MIGA1: variants seen among roughly 807,000 people sequenced by gnomAD.
The protein encoded by MIGA1 is mitoguardin 1.
In MIGA1, 58 loss-of-function variants were observed where a neutral mutation model predicts 82.0. The ratio of observed to expected loss-of-function variants is 0.71; its 90% confidence interval spans 0.57 to 0.88. The LOEUF (loss-of-function observed/expected upper bound fraction) is 0.88. Among genes scored for constraint, MIGA1 ranks in the 40% least tolerant of loss-of-function variants. The pLI is 0.00. For synonymous variants in MIGA1, 249 were observed against 253.6 expected, an observed-to-expected ratio of 0.98 and a Z score of 0.17; for missense variants, 751 against 749.1, an observed-to-expected ratio of 1.00 and a Z score of -0.03.
chr1:77,784,624 C>T (rs1454793365), intron 2 of MIGA1, among the ~76,000 whole-genome samples: 1 of 152,234 alleles, frequency 6.6e-6, no homozygotes, highest in Non-Finnish European at 1.5e-5. Context: ...ACATAGTGCA[C>T]AGTTTTTCCA....
rs748357999 is a variant in MIGA1 at position 77,803,300 on chromosome 1, T to G, written c.404T>G (p.Leu135Trp). ...AGTTGTTCCAGTAGCAGACAGAATT[T>G]GACATTATCTTTAAGTTCTACCAAA... The change falls in exon 4 of 16, where the codon TTG becomes TGG. Residue 135 changes from leucine (L) to tryptophan (W), a missense_variant. Physicochemically the swap from Leu to Trp is moderately conservative, Grantham distance 61 (BLOSUM62 -2). This residue lies in a region of MIGA1 where 482 missense variants were observed against 439.4 expected (regional missense o/e 1.10). Transcript: ENST00000370791. The G allele has an allele frequency of 1.9e-6, 3 of 1,542,510 alleles. No individual in the cohort carries two copies. In the East Asian group the frequency reaches 7.2e-5, roughly 37 times the overall value.
chr1:77,795,408 C>T (rs1682612420), intron 2 of MIGA1, among the ~76,000 whole-genome samples: 1 of 151,590 alleles, frequency 6.6e-6, no homozygotes, highest in Admixed American at 6.6e-5. Context: ...AGTGCAGTGG[C>T]ACAATCATGA....
intron 14 of MIGA1, chr1:77,868,396 T>G (rs1685757116): frequency 6.6e-6 from 1 of 152,164 alleles, no homozygotes; most frequent in African/African-American, 2.4e-5. Flanking sequence ...CCGGCTAATT[T>G]GTATATTTTT....
Position 77,866,360 on chromosome 1 carries a change from C to G in MIGA1, c.1532C>G (p.Ser511Trp), listed in dbSNP as rs1438480577. 6.2e-6 allele frequency: 10 copies of G among 1,613,776 alleles called. No individual in the cohort carries two copies. Among genetic ancestry groups the G allele is most frequent in the African/African-American group, 2.7e-5 (2 of 74,866 alleles). The change falls in exon 14 of 16, where the codon TCG becomes TGG. Residue 511 changes from serine to tryptophan, a missense_variant. By Grantham distance (177) the Ser-to-Trp change is radical. Around this residue, in one of 3 missense-constraint regions of MIGA1, gnomAD observed 265 missense variants for 293.6 expected, o/e 0.90. Transcript: ENST00000370791. ...TAGGCTGTGGCTTCAAGTTGTTGGT[C>G]GGTGCTGAAACAGAAAAGACAACAG...
intron 7 of MIGA1, among the ~76,000 whole-genome samples, chr1:77,816,691 A>G (rs2101809040): frequency 6.6e-6 from 1 of 152,356 alleles, no homozygotes; most frequent in South Asian, 2.1e-4. Flanking sequence ...CTAGGAGATT[A>G]CAGTCTAGAA....
At chr1:77,828,600 G>A (rs763010669) in intron 7 of MIGA1, among the ~76,000 whole-genome samples, 3 of 152,104 alleles carry the variant, frequency 2.0e-5, no homozygotes, top group Non-Finnish European at 4.4e-5. Flanking sequence ...ATAATGTATG[G>A]TTCATGTGTA....
intron 7 of MIGA1, among the ~76,000 whole-genome samples, chr1:77,821,641 G>A (rs1683813458): frequency 6.6e-6 from 1 of 152,032 alleles, no homozygotes; most frequent in Non-Finnish European, 1.5e-5. Context: ...TGATCCGCCC[G>A]CCTCCGCCCC....
intron 7 of MIGA1, among the ~76,000 whole-genome samples, chr1:77,829,500 G>C (rs373963787): frequency 6.6e-6 from 1 of 151,970 alleles, no homozygotes; most frequent in Non-Finnish European, 1.5e-5. Context: ...ACAGAGTCTC[G>C]TTCTGTCACC....
intron 7 of MIGA1, among the ~76,000 whole-genome samples, chr1:77,841,460 A>G (rs546740962): frequency 1.5e-3 from 220 of 150,774 alleles, no homozygotes; most frequent in Middle Eastern, 0.014. Flanking sequence ...TTCTGCTTCT[A>G]TACTAGGAAT....
intron 5 of MIGA1, among the ~76,000 whole-genome samples, chr1:77,810,055 A>C (rs535617618): frequency 1.4e-3 from 206 of 151,722 alleles, no homozygotes; most frequent in African/African-American, 4.8e-3. Context: ...TTTAGATTAC[A>C]TTGTTTAGAA....
intron 6 of MIGA1, among the ~76,000 whole-genome samples, chr1:77,814,401 A>G (rs1051620512): frequency 6.6e-5 from 10 of 151,532 alleles, no homozygotes; most frequent in Non-Finnish European, 1.2e-4. Flanking sequence ...ATTTTTTTTT[A>G]AAGAAATGGG....
At chr1:77,862,471 G>A (rs1048465254) in intron 12 of MIGA1, among the ~76,000 whole-genome samples, 1 of 151,078 alleles carries the variant, frequency 6.6e-6, no homozygotes, top group South Asian at 2.1e-4. Flanking sequence ...TATAGATATC[G>A]GTCCGGCATG....
In MIGA1 at chr1:77,860,141, T is replaced by C; in HGVS notation, c.1275+15T>C. The stretch of plus-strand genomic sequence containing the variant: ...AAGCACGAAAGGTAAACTTGTTCTG[T>C]TGGCAAGATTTTTACCATTTACAAA... On this transcript the variant is annotated intron_variant, in intron 11 of 15. Transcript: ENST00000370791. 1 of 1,571,822 alleles carries C rather than the reference T, an allele frequency of 6.4e-7. No homozygotes were observed. The highest frequency in any genetic ancestry group is 8.7e-7 in the Non-Finnish European group (1 of 1,148,854).
intron 2 of MIGA1, among the ~76,000 whole-genome samples, chr1:77,788,798 T>C (rs1682286616): frequency 6.6e-6 from 1 of 152,214 alleles, no homozygotes; most frequent in Non-Finnish European, 1.5e-5. Flanking sequence ...CCTTACTGTT[T>C]TGATTACTGT....
At chr1:77,804,497 C>T (rs1457318799) in intron 4 of MIGA1, among the ~76,000 whole-genome samples, 1 of 152,102 alleles carries the variant, frequency 6.6e-6, no homozygotes, top group Non-Finnish European at 1.5e-5. Context: ...AAAATTGCTT[C>T]AGTCCAGGAG....
Position 77,783,248 on chromosome 1 carries a change from G to T in MIGA1, c.92G>T (p.Gly31Val). The T allele has an allele frequency of 6.3e-7, 1 of 1,587,748 alleles. No homozygotes were observed. Among genetic ancestry groups the T allele is most frequent in the Non-Finnish European group, 8.6e-7 (1 of 1,162,256 alleles). Residue 31 changes from glycine (G) to valine (V), a missense_variant, in exon 2 of 16, where the codon GGA becomes GTA. Transcript: ENST00000370791. The stretch of plus-strand genomic sequence containing the variant: ...TTTCATTTAATGAAGATTAGAAGAG[G>T]AGCCATGTCAGAAGAAACAGTAAGT...
At chr1:77,789,201 C>CTTTTTTTTT (rs148055304) in intron 2 of MIGA1, among the ~76,000 whole-genome samples, 2 of 108,858 alleles carry the variant, frequency 1.8e-5, no homozygotes, top group African/African-American at 3.5e-5. Flanking sequence ...GGGGCGGTTG[C>CTTTTTTTTT]TTTTTTTTTT....
At chr1:77,796,853 C>T (rs1008429449) in intron 2 of MIGA1, among the ~76,000 whole-genome samples, 1 of 151,906 alleles carries the variant, frequency 6.6e-6, no homozygotes, top group Admixed American at 6.6e-5. Flanking sequence ...TTTGTTGTGC[C>T]CAGTTCTGTG....
At chr1:77,809,847 A>G (rs1683251118) in intron 5 of MIGA1, among the ~76,000 whole-genome samples, 1 of 147,384 alleles carries the variant, frequency 6.8e-6, no homozygotes, top group Non-Finnish European at 1.5e-5. Flanking sequence ...ATATTTTCAT[A>G]TGGATGAATG....
Sources: gnomAD v4.1 joint callset for allele counts (sites outside exome capture counted in the v4.1 genomes callset) on GRCh38, gnomAD v4.1.1 for gene constraint, gnomAD v4.1.1 regional missense constraint, MANE v1.5 for transcripts, NCBI Gene and HGNC (gene_info 2026-07-23, HGNC 2026-07-21) for gene names.